The following RETREG1 variants were observed in gnomAD, a reference collection of about 807,000 sequenced individuals.
RETREG1 encodes the protein reticulophagy regulator 1, also known as family with sequence similarity 134 member B.
Under a neutral mutation model 54.8 loss-of-function variants are expected in RETREG1, and 44 were observed. The ratio of observed to expected loss-of-function variants is 0.80; its 90% confidence interval spans 0.63 to 1.03. The LOEUF (loss-of-function observed/expected upper bound fraction) is 1.03, where lower values mean the gene tolerates loss of function less well. Among genes scored for constraint, RETREG1 ranks in the 50% least tolerant of loss-of-function variants. The pLI is 0.00. For synonymous variants in RETREG1, 217 were observed against 238.5 expected, an observed-to-expected ratio of 0.91 and a Z score of 0.83; for missense variants, 554 against 605.1, an observed-to-expected ratio of 0.92 and a Z score of 0.89.
chr5:16,561,361 G>C lies in RETREG1; in HGVS notation c.458+4402C>G, dbSNP rs1232672121. Among the ~76,000 whole-genome samples the C allele has an allele frequency of 1.3e-5, 2 of 152,012 alleles. No individual in the cohort carries two copies. The highest frequency in any genetic ancestry group is 1.3e-4 in the Admixed American group (2 of 15,268). On this transcript the variant is annotated intron_variant, in intron 3 of 8. Transcript: ENST00000306320. This position sits in a 1 kb window ranked among gnomAD's most constrained non-coding sequence, Gnocchi z 4.2. Reference sequence around the variant, plus strand: ...AAATACAAAAAATTAGCTGGGCATGGTGGTGGGCACCTGTAGTCCCAGCTA... The same window carrying C: ...AAATACAAAAAATTAGCTGGGCATGCTGGTGGGCACCTGTAGTCCCAGCTA...
At chr5:16,609,409 C>T (rs1055886832) in intron 1 of RETREG1, among the ~76,000 whole-genome samples, 5 of 152,238 alleles carry the variant, frequency 3.3e-5, no homozygotes, top group Admixed American at 1.3e-4. Flanking sequence ...TATAGCCATA[C>T]TTTGACAAAG....
intron 3 of RETREG1, among the ~76,000 whole-genome samples, chr5:16,491,563 G>A (rs569612299): frequency 8.5e-5 from 13 of 152,272 alleles, no homozygotes; most frequent in African/African-American, 2.6e-4. Flanking sequence ...TATACATTAC[G>A]TGTTGGTAAT....
Position 16,593,687 on chromosome 5 carries a change from ATTTC to A in RETREG1, c.321-21589_321-21586del, listed in dbSNP as rs1742832324. Among the ~76,000 whole-genome samples, 1 of 152,140 alleles carries A rather than the reference ATTTC, an allele frequency of 6.6e-6. No homozygotes were observed. ...TTGGATATCTGCTTAGACAAATCTT[ATTTC>A]TTCTCTTTCAGAAGACCTGGCCTCT... On this transcript the variant is annotated intron_variant, in intron 1 of 8. Transcript: ENST00000306320. This position sits in a 1 kb window ranked among gnomAD's most constrained non-coding sequence, Gnocchi z 4.9.
intron 1 of RETREG1, among the ~76,000 whole-genome samples, chr5:16,606,712 T>C (rs904751969): frequency 6.6e-6 from 1 of 151,936 alleles, no homozygotes; most frequent in African/African-American, 2.4e-5. Flanking sequence ...TCACCCCAAA[T>C]CCATCTCCTC....
intron 3 of RETREG1, among the ~76,000 whole-genome samples, chr5:16,494,049 T>C (rs939288268): frequency 2.0e-5 from 3 of 152,188 alleles, no homozygotes; most frequent in Non-Finnish European, 2.9e-5. Context: ...ACTTAGTCCT[T>C]TAAAGAGTGT....
In RETREG1 at chr5:16,477,778, G is replaced by A. The variant is rs371709887; in HGVS notation, c.884C>T (p.Thr295Met). 30 of 1,613,232 alleles carry A rather than the reference G, an allele frequency of 1.9e-5. No homozygotes were observed. Among genetic ancestry groups the A allele is most frequent in the East Asian group, 1.3e-4 (6 of 44,876 alleles). ...FSALCPKISLTVAAKELSVSD... is the reference protein window; with the variant it reads ...FSALCPKISLMVAAKELSVSD... ...CACAGATAACTCTTTGGCAGCAACC[G>A]TGAGGCTAATCTGTGTTAATATAAA... Residue 295 changes from threonine to methionine, a missense_variant, in exon 8 of 9, where the codon ACG (threonine) becomes ATG (methionine). This residue lies in a region of RETREG1 where 347 missense variants were observed against 412.3 expected (regional missense o/e 0.84). Coordinates refer to ENST00000306320, the MANE Select transcript of RETREG1 (RefSeq NM_001034850.3).
At chr5:16,589,609 G>A (rs973619695) in intron 1 of RETREG1, among the ~76,000 whole-genome samples, 12 of 152,118 alleles carry the variant, frequency 7.9e-5, no homozygotes, top group Admixed American at 1.3e-4. Context: ...CAAGTGATCC[G>A]CCTGCCTCGG....
intron 1 of RETREG1, among the ~76,000 whole-genome samples, chr5:16,573,140 C>G (rs1742226547): frequency 7.5e-6 from 1 of 133,646 alleles, no homozygotes; most frequent in Non-Finnish European, 1.5e-5. Flanking sequence ...CAAGATCGCA[C>G]CACTGCACTC....
At chr5:16,488,634 C>T (rs533494556) in intron 3 of RETREG1, among the ~76,000 whole-genome samples, 4 of 152,286 alleles carry the variant, frequency 2.6e-5, no homozygotes, top group African/African-American at 9.6e-5. Context: ...CTAGAAGGAA[C>T]AGTGTCTTTG....
At chr5:16,503,582 T>A (rs144538735) in intron 3 of RETREG1, among the ~76,000 whole-genome samples, 2 of 148,916 alleles carry the variant, frequency 1.3e-5, no homozygotes, top group Non-Finnish European at 1.5e-5. Context: ...GGCAGAGAAC[T>A]GCTTGAACCC....
chr5:16,568,572 C>T (rs962352038), intron 2 of RETREG1, among the ~76,000 whole-genome samples: 6 of 152,270 alleles, frequency 3.9e-5, no homozygotes, highest in African/African-American at 1.2e-4. Context: ...CCACTGCACC[C>T]GGCCTCATCC....
chr5:16,574,201 G>T (rs969671255), intron 1 of RETREG1, among the ~76,000 whole-genome samples: 1 of 47,154 alleles, frequency 2.1e-5, no homozygotes, highest in East Asian at 4.9e-4. Context: ...GTAATCTGGG[G>T]TGCCTCAGCA....
intron 3 of RETREG1, among the ~76,000 whole-genome samples, chr5:16,503,565 A>G (rs1739809926): frequency 6.7e-6 from 1 of 150,212 alleles, no homozygotes; most frequent in Non-Finnish European, 1.5e-5. Context: ...GCTACTCAGG[A>G]GGCTGAGGCA....
chr5:16,507,444 T>C (rs533206272), intron 3 of RETREG1, among the ~76,000 whole-genome samples: 1 of 152,352 alleles, frequency 6.6e-6, no homozygotes, highest in South Asian at 2.1e-4. Flanking sequence ...ATTTACACTT[T>C]TCTGGAAATG....
At chr5:16,546,037 A>AT in intron 3 of RETREG1, among the ~76,000 whole-genome samples, 1 of 152,222 alleles carries the variant, frequency 6.6e-6, no homozygotes, top group Non-Finnish European at 1.5e-5. Context: ...TCCCGATTTT[A>AT]TGCCTGCACC....
At chr5:16,520,476 C>T (rs1388690108) in intron 3 of RETREG1, among the ~76,000 whole-genome samples, 1 of 152,022 alleles carries the variant, frequency 6.6e-6, no homozygotes, top group Non-Finnish European at 1.5e-5. Context: ...ATTACAGGCA[C>T]CCATCACCAC....
intron 3 of RETREG1, among the ~76,000 whole-genome samples, chr5:16,517,073 G>A (rs1392935071): frequency 1.3e-5 from 2 of 152,194 alleles, no homozygotes; most frequent in South Asian, 2.1e-4. Context: ...CGAGGAGGAA[G>A]ATATAGCTAA....
At chr5:16,507,131 G>A (rs1018240947) in intron 3 of RETREG1, among the ~76,000 whole-genome samples, 17 of 152,104 alleles carry the variant, frequency 1.1e-4, no homozygotes, top group Non-Finnish European at 2.1e-4. Context: ...ACTTAATTGT[G>A]AAAATATTGC....
intron 4 of RETREG1, chr5:16,483,117 A>C: frequency 1.9e-6 from 1 of 519,058 alleles, no homozygotes; most frequent in Non-Finnish European, 3.4e-6. Flanking sequence ...AGCTAGATAA[A>C]TATATATAAA....
Sources: gnomAD v4.1 joint callset for allele counts (sites outside exome capture counted in the v4.1 genomes callset) on GRCh38, gnomAD v4.1.1 for gene constraint, gnomAD v4.1.1 regional missense constraint, Gnocchi (gnomAD v3.1) non-coding constraint, MANE v1.5 for transcripts, NCBI Gene and HGNC (gene_info 2026-07-23, HGNC 2026-07-21) for gene names.